Variants in PRKDC observed in about 807,000 individuals in gnomAD.
PRKDC encodes protein kinase, DNA-activated, catalytic subunit.
PRKDC carries 82 observed loss-of-function variants against 486.9 expected under a neutral mutation model. The ratio of observed to expected loss-of-function variants is 0.17; its 90% CI spans 0.14 to 0.20. PRKDC has a LOEUF of 0.20. Ranked by LOEUF, PRKDC falls within the 10% of genes least tolerant of loss-of-function variation. PRKDC has a pLI of 1.00. For synonymous variants in PRKDC, 1,895 were observed against 1,837.0 expected, an observed-to-expected ratio of 1.03 and a Z score of -0.81; for missense variants, 4,504 against 5,038.2, an observed-to-expected ratio of 0.89 and a Z score of 3.21.
intron 19 of PRKDC, among the ~76,000 whole-genome samples, chr8:47,928,652 A>G (rs2090196436): frequency 6.6e-6 from 1 of 151,644 alleles, no homozygotes; most frequent in African/African-American, 2.4e-5. Context: ...TCCCGGGTTC[A>G]AGCGATTCTC....
chr8:47,826,912 T>C (rs1003797938), intron 62 of PRKDC, 51 bp from the exon 63 acceptor site: 24 of 1,488,782 alleles, frequency 1.6e-5, no homozygotes, highest in Middle Eastern at 3.5e-4. Flanking sequence ...ACTTGGACCA[T>C]GTCTTCACAA....
intron 68 of PRKDC, among the ~76,000 whole-genome samples, chr8:47,811,309 G>T (rs1250433720): frequency 6.6e-6 from 1 of 152,214 alleles, no homozygotes; most frequent in Non-Finnish European, 1.5e-5. Context: ...TACATTCTGA[G>T]AAAGTGTCCT....
chr8:47,796,355 AT>A (rs1042414298), intron 73 of PRKDC, among the ~76,000 whole-genome samples: 19 of 152,202 alleles, frequency 1.2e-4, no homozygotes, highest in African/African-American at 4.3e-4. Flanking sequence ...TAAAAAATAA[AT>A]AAATAAATAA....
intron 35 of PRKDC, 33 bp from the exon 36 acceptor site, chr8:47,886,180 G>A (rs2089326246): frequency 1.3e-6 from 2 of 1,522,674 alleles, no homozygotes; most frequent in Middle Eastern, 2.3e-4. Flanking sequence ...ACCATAACTG[G>A]GGCACATCTT....
At chr8:47,804,264 G>A (rs1318010259) in intron 69 of PRKDC, among the ~76,000 whole-genome samples, 5 of 150,944 alleles carry the variant, frequency 3.3e-5, no homozygotes, top group African/African-American at 4.9e-5. Flanking sequence ...CCTCCTTATG[G>A]CTGAATAATA....
intron 71 of PRKDC, among the ~76,000 whole-genome samples, chr8:47,799,801 C>T (rs918446346): frequency 6.6e-6 from 1 of 151,900 alleles, no homozygotes; most frequent in African/African-American, 2.4e-5. Flanking sequence ...GTGAATGAGA[C>T]GGAAGCAGGT....
chr8:47,874,145 T>C (rs936736140), intron 40 of PRKDC, among the ~76,000 whole-genome samples: 2 of 151,810 alleles, frequency 1.3e-5, no homozygotes, highest in African/African-American at 4.8e-5. Flanking sequence ...GAGACAGGGT[T>C]TCACCTTGTT....
intron 70 of PRKDC, among the ~76,000 whole-genome samples, chr8:47,801,794 G>A (rs185838113): frequency 1.3e-5 from 2 of 152,262 alleles, no homozygotes; most frequent in East Asian, 1.9e-4. Flanking sequence ...AGTGTCCAGA[G>A]GTGCGATAAC....
chr8:47,876,991 T>C (rs2089105129), intron 40 of PRKDC, among the ~76,000 whole-genome samples: 1 of 152,214 alleles, frequency 6.6e-6, no homozygotes, highest in Non-Finnish European at 1.5e-5. Context: ...ATAAGAAGTA[T>C]AAAGTATCAA....
intron 33 of PRKDC, 38 bp from the exon 34 acceptor site, chr8:47,888,688 G>A: frequency 6.5e-7 from 1 of 1,526,860 alleles, no homozygotes; most frequent in Non-Finnish European, 8.8e-7. Flanking sequence ...GGTGAGCTCT[G>A]ATCTCGTTAA....
intron 44 of PRKDC, 100 bp downstream of exon 44, chr8:47,861,962 A>G (rs545804513): frequency 1.0e-6 from 1 of 970,104 alleles, no homozygotes; most frequent in Non-Finnish European, 1.5e-6. Context: ...GTTTTTGTTG[A>G]AAGCCGACTT....
intron 66 of PRKDC, 100 bp downstream of exon 66, chr8:47,820,619 T>A: frequency 3.8e-6 from 3 of 785,256 alleles, no homozygotes; most frequent in Non-Finnish European, 5.1e-6. Flanking sequence ...TACTGAGTTT[T>A]AAAAATATCC....
At position 47,953,626 on chromosome 8, in the gene PRKDC, C is replaced by T; in HGVS notation, c.715G>A (p.Glu239Lys). The part of the protein sequence containing the change: ...SLLCNFTKSM[E>K]EDPQTSREIF... ...AAGTGAAGCCAAGCAATACCTTCTT[C>T]CATGGACTTAGTGAAGTTGCACAGA... The change falls in exon 7 of 86, where the codon GAA (glutamate) becomes AAA (lysine). Residue 239 changes from glutamate (E) to lysine (K), a missense_variant. Glu to Lys is a moderately conservative substitution (Grantham distance 56). Around this residue, in one of 6 missense-constraint regions of PRKDC, gnomAD observed 1,969 missense variants for 2,068.9 expected, o/e 0.95. Transcript: ENST00000314191. The T allele has an allele frequency of 1.9e-6, 3 of 1,612,174 alleles. No individual in the cohort carries two copies. Among genetic ancestry groups the T allele is most frequent in the Non-Finnish European group, 2.5e-6 (3 of 1,178,964 alleles).
At chr8:47,936,287 T>G in intron 12 of PRKDC, 66 bp downstream of exon 12, 1 of 1,502,606 alleles carries the variant, frequency 6.7e-7, no homozygotes, top group Non-Finnish European at 9.0e-7. Flanking sequence ...ATTGTATGAC[T>G]CCATCAAATT....
chr8:47,940,388 CAGA>C (rs2090424129), intron 10 of PRKDC, among the ~76,000 whole-genome samples: 1 of 152,082 alleles, frequency 6.6e-6, no homozygotes, highest in African/African-American at 2.4e-5. Context: ...AAAGACTGCC[CAGA>C]ATAAGAATGG....
At chr8:47,810,282 TGA>T (rs1223749295) in intron 68 of PRKDC, among the ~76,000 whole-genome samples, 2 of 152,236 alleles carry the variant, frequency 1.3e-5, no homozygotes, top group Admixed American at 6.5e-5. Flanking sequence ...TAAGATATTT[TGA>T]GAGAGACAGA....
At chr8:47,921,905 C>T (rs1022074432) in intron 21 of PRKDC, among the ~76,000 whole-genome samples, 1 of 151,932 alleles carries the variant, frequency 6.6e-6, no homozygotes, top group Non-Finnish European at 1.5e-5. Flanking sequence ...CTCAGCCTCC[C>T]GAGTAGCCGG....
chr8:47,889,296 G>C, intron 32 of PRKDC, 74 bp from the exon 33 acceptor site: 2 of 1,325,710 alleles, frequency 1.5e-6, no homozygotes, highest in South Asian at 3.1e-5. Flanking sequence ...GGGCCCACAA[G>C]GTTGGGAACT....
At chr8:47,809,581 T>G (rs968532586) in intron 68 of PRKDC, among the ~76,000 whole-genome samples, 3 of 151,976 alleles carry the variant, frequency 2.0e-5, no homozygotes, top group Non-Finnish European at 4.4e-5. Context: ...GGGAACAAAT[T>G]AAACAAAGGC....
Sources: gnomAD v4.1 joint callset for allele counts (sites outside exome capture counted in the v4.1 genomes callset) on GRCh38, gnomAD v4.1.1 for gene constraint, gnomAD v4.1.1 regional missense constraint, MANE v1.5 for transcripts, NCBI Gene and HGNC (gene_info 2026-07-23, HGNC 2026-07-21) for gene names.